The following STAG1 variants were observed in gnomAD, a reference collection of about 807,000 sequenced individuals.
STAG1 encodes the protein STAG1 cohesin complex component.
Under a neutral mutation model 170.9 loss-of-function variants are expected in STAG1, and 26 were observed. The observed-to-expected ratio is 0.15, with a 90% CI of 0.11 to 0.21. The LOEUF (loss-of-function observed/expected upper bound fraction) is 0.21. Among genes scored for constraint, STAG1 ranks in the 10% least tolerant of loss-of-function variants. The pLI is 1.00. For synonymous variants in STAG1, 514 were observed against 497.7 expected (o/e 1.03, Z -0.44); for missense variants, 964 against 1,509.5 (o/e 0.64, Z 5.99).
chr3:136,472,854 A>G (rs2089660271), intron 11 of STAG1, among the ~76,000 whole-genome samples: 1 of 152,184 alleles, frequency 6.6e-6, no homozygotes, highest in Admixed American at 6.5e-5. Flanking sequence ...AGATTCACTT[A>G]TCAATTTCAT....
chr3:136,670,569 T>C (rs987891924), intron 1 of STAG1, among the ~76,000 whole-genome samples: 1 of 152,140 alleles, frequency 6.6e-6, no homozygotes, highest in African/African-American at 2.4e-5. Context: ...CAACCTCTAC[T>C]GGGTTCAAGC....
chr3:136,446,988 G>A (rs1489222932), intron 14 of STAG1, among the ~76,000 whole-genome samples: 1 of 149,422 alleles, frequency 6.7e-6, no homozygotes, highest in Non-Finnish European at 1.5e-5. Context: ...ATTTTTAGTT[G>A]AGACTGTGTT....
rs144347524 is a variant in STAG1 at position 136,733,317 on chromosome 3, C to A, written c.-84+18878G>T. On this transcript the variant is annotated intron_variant, in intron 1 of 33. Coordinates refer to ENST00000383202, the MANE Select transcript of STAG1 (RefSeq NM_005862.3). ...CCCAGGCTGGTCTCAAACTTCTGAGCTCAAATGATCCACCCACCTCAGCGT... is the reference window on the plus strand; with the variant it reads ...CCCAGGCTGGTCTCAAACTTCTGAGATCAAATGATCCACCCACCTCAGCGT... 6.3e-3 allele frequency among the ~76,000 whole-genome samples: 964 copies of A among 151,852 alleles called. 11 individuals carry two copies. The highest frequency in any genetic ancestry group is 0.022 in the African/African-American group (915 of 41,392).
chr3:136,589,628 C>CAAAA lies in STAG1; in HGVS notation c.297+14677_297+14680dup, dbSNP rs71626007. ...CTCCAGCCTGGGCAACAAAGGGAGCCAAAAAAAAAAAAAAAAAAAAAGCCA... is the reference window on the plus strand; with the variant it reads ...CTCCAGCCTGGGCAACAAAGGGAGCCAAAAAAAAAAAAAAAAAAAAAAAAAGCCA... On this transcript the variant is annotated intron_variant, in intron 4 of 33. Coordinates refer to ENST00000383202, the MANE Select transcript of STAG1 (RefSeq NM_005862.3). Among the ~76,000 whole-genome samples, 48 of 46,162 alleles carry CAAAA rather than the reference C, an allele frequency of 1.0e-3. 1 individual carries two copies. The highest frequency in any genetic ancestry group is 2.0e-3 in the African/African-American group (28 of 14,196). The allele number at this position is 46,162 out of a possible 152,430, so 30.3% of individuals were successfully genotyped here. A position where few individuals can be genotyped will look rare whatever the true frequency, so the allele number is the denominator to read the frequency against.
At chr3:136,702,624 GA>G (rs1478872120) in intron 1 of STAG1, among the ~76,000 whole-genome samples, 1 of 152,014 alleles carries the variant, frequency 6.6e-6, no homozygotes, top group African/African-American at 2.4e-5. Context: ...GACCTGAGGT[GA>G]TCCACCCACC....
chr3:136,695,149 A>G (rs981433521), intron 1 of STAG1, among the ~76,000 whole-genome samples: 2 of 152,238 alleles, frequency 1.3e-5, no homozygotes, highest in African/African-American at 4.8e-5. Flanking sequence ...GAAGGTCAAA[A>G]GAACCCAATG....
At chr3:136,460,287 C>T (rs1189015218) in intron 13 of STAG1, among the ~76,000 whole-genome samples, 3 of 152,016 alleles carry the variant, frequency 2.0e-5, no homozygotes, top group African/African-American at 7.2e-5. Flanking sequence ...CACATACAAC[C>T]TAACATAAAT....
At chr3:136,689,544 T>G (rs1000521157) in intron 1 of STAG1, among the ~76,000 whole-genome samples, 1 of 152,192 alleles carries the variant, frequency 6.6e-6, no homozygotes, top group Admixed American at 6.5e-5. Flanking sequence ...AATCATAGTT[T>G]TCTTTTATCA....
intron 15 of STAG1, among the ~76,000 whole-genome samples, chr3:136,436,947 T>G (rs912594250): frequency 6.6e-6 from 1 of 152,222 alleles, no homozygotes; most frequent in Non-Finnish European, 1.5e-5. Context: ...TCCATCTGTA[T>G]CCGAATGATC....
chr3:136,376,552 T>G (rs1292723719), intron 23 of STAG1, among the ~76,000 whole-genome samples: 1 of 152,190 alleles, frequency 6.6e-6, no homozygotes, highest in African/African-American at 2.4e-5. Flanking sequence ...TGTCTGAGCC[T>G]GCAAAGGCCT....
chr3:136,568,945 G>C lies in STAG1; in HGVS notation c.298-84C>G, dbSNP rs571222865. 4.1e-6 allele frequency: 4 copies of C among 966,100 alleles called. No individual in the cohort carries two copies. The South Asian group carries it at 6.1e-5, about 15-fold the overall frequency. The allele number at this position is 966,100 out of a possible 1,614,324, so 59.8% of individuals were successfully genotyped here. ...AATTTTCAAAAAAGTTTGTGTGTTTGTGTGTGTTTCTATCTGAACGAGAAA... is the reference window on the plus strand; with the variant it reads ...AATTTTCAAAAAAGTTTGTGTGTTTCTGTGTGTTTCTATCTGAACGAGAAA... On this transcript the variant is annotated intron_variant, in intron 4 of 33. Coordinates refer to ENST00000383202, the MANE Select transcript of STAG1 (RefSeq NM_005862.3).
intron 1 of STAG1, chr3:136,737,076 C>T: frequency 4.4e-6 from 5 of 1,124,324 alleles, no homozygotes; most frequent in Middle Eastern, 2.8e-4. Flanking sequence ...TGGGGTGAAA[C>T]TGAAGTAAGA....
At chr3:136,465,040 T>G in intron 12 of STAG1, 52 bp from the exon 13 acceptor site, 1 of 1,378,444 alleles carries the variant, frequency 7.3e-7, no homozygotes, top group Non-Finnish European at 9.9e-7. Context: ...TTATTTTCCT[T>G]TCTACTTTTA....
chr3:136,338,173 T>C lies in STAG1; in HGVS notation c.*81A>G. ...CAAATCAGATCACATCAAAAGTGTT[T>C]TTCCCCATACAAGCTATCACAGTAT... is the stretch of plus-strand genomic sequence containing the variant. On this transcript the variant is annotated 3_prime_UTR_variant, in exon 34 of 34. Transcript: ENST00000383202. The C allele has an allele frequency of 1.1e-6, 1 of 935,946 alleles. No homozygotes were observed. Among genetic ancestry groups the C allele is most frequent in the Non-Finnish European group, 1.7e-6 (1 of 590,644 alleles). 58.0% of individuals were successfully genotyped at this position (935,946 alleles called of 1,614,324 possible).
intron 7 of STAG1, among the ~76,000 whole-genome samples, chr3:136,503,956 T>C (rs1031504521): frequency 6.6e-6 from 1 of 152,156 alleles, no homozygotes; most frequent in Non-Finnish European, 1.5e-5. Flanking sequence ...AGGCGGGTTT[T>C]GAACTCCCGA....
chr3:136,598,900 C>T (rs971837716), intron 4 of STAG1, among the ~76,000 whole-genome samples: 9 of 152,152 alleles, frequency 5.9e-5, no homozygotes, highest in Admixed American at 2.0e-4. Context: ...TTATACTATA[C>T]TATTTACAGC....
intron 5 of STAG1, among the ~76,000 whole-genome samples, chr3:136,550,045 C>A (rs1936320352): frequency 6.6e-6 from 1 of 152,042 alleles, no homozygotes; most frequent in East Asian, 1.9e-4. Context: ...GGACTTTTTG[C>A]ATATATACTC....
At chr3:136,407,192 A>C (rs898081751) in intron 21 of STAG1, among the ~76,000 whole-genome samples, 1 of 151,920 alleles carries the variant, frequency 6.6e-6, no homozygotes, top group African/African-American at 2.4e-5. Flanking sequence ...ATGCCTGGCT[A>C]ATTTTGTATT....
intron 1 of STAG1, among the ~76,000 whole-genome samples, chr3:136,703,786 GA>G (rs1943145479): frequency 6.6e-6 from 1 of 152,052 alleles, no homozygotes; most frequent in Non-Finnish European, 1.5e-5. Context: ...GAAGCAGGTG[GA>G]TCACCTGAGG....
Sources: gnomAD v4.1 joint callset for allele counts (sites outside exome capture counted in the v4.1 genomes callset) on GRCh38, gnomAD v4.1.1 for gene constraint, MANE v1.5 for transcripts, NCBI Gene and HGNC (gene_info 2026-07-23, HGNC 2026-07-21) for gene names.